The following PCDH7 variants were observed in gnomAD, a reference collection of about 807,000 sequenced individuals.
PCDH7 encodes the protein protocadherin-7.
A neutral mutation model predicts 58.9 loss-of-function variants in PCDH7; 17 were observed. The observed-to-expected ratio is 0.29, with a 90% CI of 0.20 to 0.43. PCDH7 has a LOEUF of 0.43. Ranked by LOEUF, PCDH7 falls within the 20% of genes least tolerant of loss-of-function variation. The pLI, the probability that PCDH7 is intolerant of heterozygous loss-of-function variation, is 1.00. For synonymous variants in PCDH7, 664 were observed against 616.4 expected, an observed-to-expected ratio of 1.08 and a Z score of -1.14; for missense variants, 1,274 against 1,441.0, an observed-to-expected ratio of 0.88 and a Z score of 1.88.
chr4:30,965,491 G>A (rs1239914882), intron 3 of PCDH7, among the ~76,000 whole-genome samples: 1 of 151,850 alleles, frequency 6.6e-6, no homozygotes, highest in Non-Finnish European at 1.5e-5. Flanking sequence ...TATTTATCAA[G>A]CCTCCACTTT....
intron 3 of PCDH7, among the ~76,000 whole-genome samples, chr4:31,088,638 T>G (rs182833113): frequency 6.6e-6 from 1 of 152,174 alleles, no homozygotes; most frequent in East Asian, 1.9e-4. Context: ...AAACTAGCAA[T>G]GAAGAGAACA....
Position 31,082,968 on chromosome 4 carries a change from T to C in PCDH7, c.*8-59505T>C, listed in dbSNP as rs367954482. ...CTAAAAATACAAAAAATTAGCTGGG[T>C]GTGGTGGTGGGCACCTGTAGTCCCA... On this transcript the variant is annotated intron_variant, in intron 3 of 3. Transcript: ENST00000509759. Among the ~76,000 whole-genome samples, 87 of 151,942 alleles carry C rather than the reference T, an allele frequency of 5.7e-4. 1 individual carries two copies. Among genetic ancestry groups the C allele is most frequent in the African/African-American group, 1.7e-3 (69 of 41,460 alleles).
intron 3 of PCDH7, among the ~76,000 whole-genome samples, chr4:31,007,406 C>T (rs1446026025): frequency 1.3e-5 from 2 of 151,994 alleles, no homozygotes; most frequent in East Asian, 3.8e-4. Context: ...CTATTTTCCT[C>T]CTGTGAATTT....
intron 3 of PCDH7, among the ~76,000 whole-genome samples, chr4:30,962,375 TA>T (rs1748520138): frequency 2.0e-5 from 3 of 152,334 alleles, no homozygotes; most frequent in Non-Finnish European, 4.4e-5. Flanking sequence ...GCCTATGTAA[TA>T]CTTTTCCTAA....
At chr4:30,724,223 C>T in exon 1 of PCDH7, 2 of 1,613,608 alleles carry the variant, frequency 1.2e-6, no homozygotes, top group East Asian at 2.2e-5. Context: ...TCTAAAAAGC[C>T]TAAAAAGGAC....
At chr4:30,880,766 A>C (rs558299241) in intron 1 of PCDH7, among the ~76,000 whole-genome samples, 9 of 152,298 alleles carry the variant, frequency 5.9e-5, no homozygotes, top group Admixed American at 1.3e-4. Flanking sequence ...ATATAGAGTA[A>C]CACAGATAAG....
At chr4:30,733,999 A>C (rs1195582457), downstream of PCDH7, among the ~76,000 whole-genome samples, 1 of 152,092 alleles carries the variant, frequency 6.6e-6, no homozygotes, top group Non-Finnish European at 1.5e-5. Flanking sequence ...CACATATGTG[A>C]TTAAAAAACA....
chr4:30,958,370 A>G (rs1007317837), intron 3 of PCDH7, among the ~76,000 whole-genome samples: 11 of 152,060 alleles, frequency 7.2e-5, no homozygotes, highest in Admixed American at 2.6e-4. Context: ...CTTATCAAAG[A>G]AAACATAATC....
chr4:31,041,354 T>A (rs908483980), intron 3 of PCDH7, among the ~76,000 whole-genome samples: 3 of 152,212 alleles, frequency 2.0e-5, no homozygotes, highest in African/African-American at 7.2e-5. Context: ...AATTTTCAAA[T>A]ACTGGCATTT....
chr4:30,988,109 G>T (rs1477359720), intron 3 of PCDH7, among the ~76,000 whole-genome samples: 2 of 152,136 alleles, frequency 1.3e-5, no homozygotes, highest in Non-Finnish European at 2.9e-5. Flanking sequence ...TGTAAAAATT[G>T]TGTGTTTTAT....
chr4:31,145,166 G>A (rs778891091), downstream of PCDH7: 2 of 151,560 alleles, frequency 1.3e-5, no homozygotes, highest in Non-Finnish European at 2.9e-5. Context: ...GGGTCACACC[G>A]GACCTTCGGA....
chr4:30,998,524 C>A (rs539653808), intron 3 of PCDH7, among the ~76,000 whole-genome samples: 1 of 152,168 alleles, frequency 6.6e-6, no homozygotes, highest in African/African-American at 2.4e-5. Context: ...AAATCTGGTT[C>A]TCAGATCAGA....
At chr4:30,752,628 CTTACT>C (rs1346204732) in intron 1 of PCDH7, among the ~76,000 whole-genome samples, 2 of 123,048 alleles carry the variant, frequency 1.6e-5, no homozygotes, top group African/African-American at 6.4e-5. Flanking sequence ...GATATGGACT[CTTACT>C]TTTTTTTTTT....
intron 3 of PCDH7, among the ~76,000 whole-genome samples, chr4:31,078,537 G>A (rs1224230774): frequency 6.8e-6 from 1 of 147,008 alleles, no homozygotes; most frequent in Non-Finnish European, 1.5e-5. Context: ...TGCCCAGGCT[G>A]GTCTTGAACT....
At chr4:30,809,762 G>A (rs1364576912) in intron 1 of PCDH7, among the ~76,000 whole-genome samples, 3 of 151,996 alleles carry the variant, frequency 2.0e-5, no homozygotes, top group African/African-American at 4.8e-5. Context: ...AGATTTTTCC[G>A]TTTCCTTTTT....
At chr4:31,128,706 A>G (rs1718613661) in intron 3 of PCDH7, among the ~76,000 whole-genome samples, 1 of 152,152 alleles carries the variant, frequency 6.6e-6, no homozygotes, top group African/African-American at 2.4e-5. Flanking sequence ...TTCCCATTGG[A>G]CTTCTTCTTA....
chr4:31,028,252 G>T (rs1199625168), intron 3 of PCDH7, among the ~76,000 whole-genome samples: 1 of 152,098 alleles, frequency 6.6e-6, no homozygotes, highest in East Asian at 1.9e-4. Context: ...GAGGATTTAA[G>T]AATGTTCTTT....
chr4:31,006,037 A>G (rs1016761221), intron 3 of PCDH7, among the ~76,000 whole-genome samples: 4 of 152,156 alleles, frequency 2.6e-5, no homozygotes, highest in Non-Finnish European at 5.9e-5. Flanking sequence ...AGCTGTCAGG[A>G]GAATGAAAAA....
intron 3 of PCDH7, among the ~76,000 whole-genome samples, chr4:30,987,229 C>T (rs1257924181): frequency 2.0e-5 from 3 of 152,014 alleles, no homozygotes; most frequent in African/African-American, 4.8e-5. Context: ...CCAAGTATAT[C>T]ATGTAATTAA....
Sources: allele counts gnomAD v4.1 joint callset (sites outside exome capture counted in the v4.1 genomes callset), GRCh38; gene constraint gnomAD v4.1.1; transcripts MANE v1.5; gene names NCBI Gene and HGNC (gene_info 2026-07-23, HGNC 2026-07-21).